Variants in PCF11 observed in about 807,000 individuals in gnomAD.
PCF11 encodes the protein pre-mRNA cleavage complex 2 protein Pcf11.
A neutral mutation model predicts 166.1 loss-of-function variants in PCF11; 19 were observed. That is an observed-to-expected ratio of 0.11 (90% CI 0.08 to 0.17). PCF11 has a LOEUF of 0.17. Ranked by LOEUF, PCF11 falls within the 10% of genes least tolerant of loss-of-function variation. The pLI, the probability that PCF11 is intolerant of heterozygous loss-of-function variation, is 1.00. For missense variants in PCF11, 1,565 were observed against 1,855.5 expected (o/e 0.84, Z 2.88); for synonymous variants, 663 against 644.1 (o/e 1.03, Z -0.44).
chr11:83,171,957 ATTG>A lies in PCF11; in HGVS notation c.3757+46_3757+48del, dbSNP rs143047981. Reference sequence around the variant, plus strand: ...TTTGTTTTTCAAAAGACAAATGATTATTGTTTTGTTGAATAGCTAACTTTGTGA... The same window carrying A: ...TTTGTTTTTCAAAAGACAAATGATTATTTTGTTGAATAGCTAACTTTGTGA... On this transcript the variant is annotated intron_variant, in intron 9 of 15. Coordinates refer to ENST00000298281, the Ensembl canonical transcript of PCF11. 16,775 of 947,282 alleles carry A rather than the reference ATTG, an allele frequency of 0.018. 1,786 individuals are homozygous for A. The African/African-American group carries it at 0.24, about 13-fold the overall frequency. The allele number at this position is 947,282 out of a possible 1,614,324, so 58.7% of individuals were successfully genotyped here. A position where few individuals can be genotyped will look rare whatever the true frequency, so the allele number is the denominator to read the frequency against.
chr11:83,184,572 TTGTA>T, intron 15 of PCF11, 103 bp from the exon 16 acceptor site: 4 of 729,096 alleles, frequency 5.5e-6, no homozygotes, highest in East Asian at 2.7e-5. Context: ...TTGCATTTGG[TTGTA>T]TGTGTGTTCT....
intron 1 of PCF11, among the ~76,000 whole-genome samples, chr11:83,160,989 G>C (rs1217568248): frequency 2.0e-5 from 3 of 152,124 alleles, no homozygotes; most frequent in African/African-American, 4.8e-5. Flanking sequence ...ACTGACACTT[G>C]GATTATATAA....
At chr11:83,161,480 T>G (rs1469279077) in intron 2 of PCF11, 28 bp downstream of exon 2, 1 of 1,472,204 alleles carries the variant, frequency 6.8e-7, no homozygotes, top group Non-Finnish European at 9.1e-7. Context: ...AACATTTGCG[T>G]TTTTTTTTAA....
At chr11:83,169,772 C>T (rs774267889) in exon 8 of PCF11, 1 of 1,613,706 alleles carries the variant, frequency 6.2e-7, no homozygotes, top group Non-Finnish European at 8.5e-7. Flanking sequence ...TTTAATGCCC[C>T]ATCCCAAGGA....
intron 3 of PCF11, 129 bp downstream of exon 3, chr11:83,163,996 AAAAT>A: frequency 1.7e-6 from 1 of 590,588 alleles, no homozygotes; most frequent in Non-Finnish European, 2.9e-6. Context: ...GAAAAAAAAA[AAAAT>A]AGTGTGTATA....
At chr11:83,159,422 ATAT>A (rs1860141860) in intron 1 of PCF11, among the ~76,000 whole-genome samples, 1 of 152,118 alleles carries the variant, frequency 6.6e-6, no homozygotes, top group Non-Finnish European at 1.5e-5. Flanking sequence ...ACAGCGCCTA[ATAT>A]TTAGCAGCTC....
intron 15 of PCF11, among the ~76,000 whole-genome samples, chr11:83,183,657 A>G (rs1861162656): frequency 6.6e-6 from 1 of 151,698 alleles, no homozygotes; most frequent in Non-Finnish European, 1.5e-5. Flanking sequence ...CACCTGGCTA[A>G]TTTTGTATTT....
chr11:83,168,601 A>G, exon 8 of PCF11: 1 of 1,613,902 alleles, frequency 6.2e-7, no homozygotes, highest in East Asian at 2.2e-5. Flanking sequence ...TGATGGACCT[A>G]GTAGGCCATC....
exon 8 of PCF11, chr11:83,169,056 C>T (rs1860580564): frequency 6.2e-7 from 1 of 1,612,420 alleles, no homozygotes; most frequent in Non-Finnish European, 8.5e-7. Flanking sequence ...TTGATAATCC[C>T]CGAGGTCAGC....
intron 9 of PCF11, 51 bp downstream of exon 9, chr11:83,171,965 G>A: frequency 1.2e-6 from 1 of 859,674 alleles, no homozygotes; most frequent in Non-Finnish European, 2.0e-6. Flanking sequence ...TTATTGTTTT[G>A]TTGAATAGCT....
At chr11:83,180,949 C>G (rs1204554091) in intron 11 of PCF11, 59 bp from the exon 12 acceptor site, 2 of 947,190 alleles carry the variant, frequency 2.1e-6, no homozygotes, top group East Asian at 5.4e-5. Context: ...TTGTAATTGG[C>G]TTTTAAAGGC....
intron 9 of PCF11, among the ~76,000 whole-genome samples, chr11:83,174,386 GTT>G (rs71463154): frequency 3.6e-4 from 51 of 142,738 alleles, no homozygotes; most frequent in Middle Eastern, 3.7e-3. Flanking sequence ...TATTTTTAAA[GTT>G]TTTTTTTTTT....
chr11:83,165,518 A>T (rs777156263), intron 4 of PCF11, 82 bp from the exon 5 acceptor site: 27 of 972,752 alleles, frequency 2.8e-5, no homozygotes, highest in Non-Finnish European at 4.1e-5. Flanking sequence ...TGAATAAAGC[A>T]TTATCTTCTT....
chr11:83,170,126 AT>A (rs1860635686), intron 8 of PCF11, 131 bp downstream of exon 8: 1 of 707,980 alleles, frequency 1.4e-6, no homozygotes, highest in Admixed American at 3.6e-5. Context: ...CTAAAGCCAC[AT>A]GCTAAGGAAG....
At position 83,165,099 on chromosome 11, in the gene PCF11, A is replaced by T. The variant is rs565559438; in HGVS notation, c.703-501A>T. Among the ~76,000 whole-genome samples the T allele has an allele frequency of 9.2e-5, 14 of 152,360 alleles. No homozygotes were observed. The South Asian group carries it at 2.9e-3, about 32-fold the overall frequency. On this transcript the variant is annotated intron_variant, in intron 4 of 15. Coordinates refer to ENST00000298281, the Ensembl canonical transcript of PCF11. ...CAAAATTAAGGAGGCCAGGAAGATT[A>T]TATCTTTCTACACATAAATGACTTT...
At chr11:83,168,727 A>G in exon 8 of PCF11, 1 of 1,613,894 alleles carries the variant, frequency 6.2e-7, no homozygotes, top group Non-Finnish European at 8.5e-7. Flanking sequence ...ACCAGGACAA[A>G]TGGGGGGAGG....
chr11:83,167,739 A>AGG lies in PCF11; in HGVS notation c.2092+234_2092+235insGG. The AGG allele has an allele frequency of 6.8e-7, 1 of 1,467,554 alleles. No individual in the cohort carries two copies. The highest frequency in any genetic ancestry group is 9.1e-7 in the Non-Finnish European group (1 of 1,104,366). The allele number at this position is 1,467,554 out of a possible 1,614,324, so 90.9% of individuals were successfully genotyped here. On this transcript the variant is annotated intron_variant, in intron 7 of 15. Transcript: ENST00000298281. This position sits in a 1 kb window ranked among gnomAD's most constrained non-coding sequence, Gnocchi z 4.2. ...AATAGAATGTGAGCCATCCAAAAGT[A>AGG]AACATGCAAGTAGGAATAGTGGAGC...
In PCF11 at chr11:83,167,294, G is replaced by A; in HGVS notation, c.1987G>A (p.Glu663Lys). Residue 663 changes from glutamate (E) to lysine (K), a missense_variant, in exon 6 of 16, where the codon GAA becomes AAA. Transcript: ENST00000298281. The surrounding 1 kb of genome is among the most constrained non-coding windows in gnomAD (Gnocchi z 4.2). ...AGAGTTAACTCTTGCAAGCAAAAGA[G>A]AATTACTTCAAAAGGTAGTTACTAT... 1 of 1,612,248 alleles carries A rather than the reference G, an allele frequency of 6.2e-7. No homozygotes were observed. Among genetic ancestry groups the A allele is most frequent in the Non-Finnish European group, 8.5e-7 (1 of 1,178,822 alleles).
rs969680708 is a variant in PCF11 at position 83,177,007 on chromosome 11, G to A, written c.3758-78G>A. ...CATCTTGAAGAAAACTTTGAAAAAT[G>A]CTTAGTATAATTTGCATCTTTAAGT... is the stretch of plus-strand genomic sequence containing the variant. On this transcript the variant is annotated intron_variant, in intron 9 of 15. Coordinates refer to ENST00000298281, the Ensembl canonical transcript of PCF11. 3.1e-5 allele frequency: 32 copies of A among 1,048,318 alleles called. No homozygotes were observed. The African/African-American group carries it at 4.6e-4, about 15-fold the overall frequency. 64.9% of individuals were successfully genotyped at this position (1,048,318 alleles called of 1,614,324 possible). A position where few individuals can be genotyped will look rare whatever the true frequency, so the allele number is the denominator to read the frequency against.
Sources: gnomAD v4.1 joint callset for allele counts (sites outside exome capture counted in the v4.1 genomes callset) on GRCh38, gnomAD v4.1.1 for gene constraint, Gnocchi (gnomAD v3.1) non-coding constraint, MANE v1.5 for transcripts, NCBI Gene and HGNC (gene_info 2026-07-23, HGNC 2026-07-21) for gene names.